The following NXPH1 variants were observed in gnomAD, a reference collection of about 807,000 sequenced individuals.
The protein encoded by NXPH1 is neurexophilin-1.
In NXPH1, 5 loss-of-function variants were observed where a neutral mutation model predicts 23.7. The ratio of observed to expected loss-of-function variants is 0.21; its 90% CI spans 0.11 to 0.44. NXPH1 has a LOEUF of 0.44. NXPH1 is among the 20% of genes least tolerant of loss of function. The probability of loss-of-function intolerance (pLI) is 0.99; values close to 1 mark genes in which losing one functional copy is unlikely to be tolerated. For synonymous variants in NXPH1, 144 were observed against 122.2 expected, an observed-to-expected ratio of 1.18 and a Z score of -1.18; for missense variants, 324 against 321.6, an observed-to-expected ratio of 1.01 and a Z score of -0.06.
intron 2 of NXPH1, among the ~76,000 whole-genome samples, chr7:8,553,367 A>G (rs1181123119): frequency 7.0e-6 from 1 of 143,136 alleles, no homozygotes; most frequent in South Asian, 2.2e-4. Context: ...TATTATGTGT[A>G]TTAGAAAACA....
At chr7:8,473,737 G>T (rs200014543) in intron 2 of NXPH1, among the ~76,000 whole-genome samples, 10 of 144,718 alleles carry the variant, frequency 6.9e-5, no homozygotes, top group Non-Finnish European at 7.6e-5. Flanking sequence ...TGCTGTGTGT[G>T]TTTTTTTTTT....
chr7:8,586,010 C>A (rs1026687733), intron 2 of NXPH1, among the ~76,000 whole-genome samples: 1 of 152,102 alleles, frequency 6.6e-6, no homozygotes, highest in African/African-American at 2.4e-5. Flanking sequence ...GAACAGACAT[C>A]GACCCTTTTA....
At chr7:8,623,837 A>G (rs1166056791) in intron 2 of NXPH1, among the ~76,000 whole-genome samples, 1 of 151,726 alleles carries the variant, frequency 6.6e-6, no homozygotes, top group Non-Finnish European at 1.5e-5. Context: ...GTATGTATTT[A>G]TATCTACATT....
chr7:8,751,311 G>T lies in NXPH1; in HGVS notation c.358G>T (p.Gly120Ter). 1 of 1,613,820 alleles carries T rather than the reference G, an allele frequency of 6.2e-7. No homozygotes were observed. The highest frequency in any genetic ancestry group is 8.5e-7 in the Non-Finnish European group (1 of 1,179,880). ...AACGGGCAAGTTTAAGAAAATGTTTGGATGGGGCGATTTTCATTCCAACAT... is the reference window on the plus strand; with the variant it reads ...AACGGGCAAGTTTAAGAAAATGTTTTGATGGGGCGATTTTCATTCCAACAT... ...VKTGKFKKMF[G>*]WGDFHSNIKT... Residue 120 changes from glycine (G) to a stop codon, truncating the protein, a stop_gained, in exon 3 of 3, where the codon GGA becomes TGA. Coordinates refer to ENST00000405863, the MANE Select transcript of NXPH1 (RefSeq NM_152745.3). LOFTEE classifies it high-confidence loss of function. This position sits in a 1 kb window ranked among gnomAD's most constrained non-coding sequence, Gnocchi z 4.5.
chr7:8,545,301 T>G (rs1015205370), intron 2 of NXPH1, among the ~76,000 whole-genome samples: 1 of 151,514 alleles, frequency 6.6e-6, no homozygotes, highest in Non-Finnish European at 1.5e-5. Context: ...ATGACAGTGT[T>G]GGGCCAGTTG....
chr7:8,695,547 T>TTG (rs1218813469), intron 2 of NXPH1, among the ~76,000 whole-genome samples: 3 of 151,944 alleles, frequency 2.0e-5, no homozygotes, highest in African/African-American at 7.3e-5. Flanking sequence ...TTAACTACAT[T>TTG]GCTATTTATA....
intron 2 of NXPH1, among the ~76,000 whole-genome samples, chr7:8,633,301 G>A (rs898211070): frequency 9.9e-5 from 15 of 152,116 alleles, no homozygotes; most frequent in South Asian, 2.1e-4. Context: ...GGTGGCATGC[G>A]CCTGTAATCC....
rs191767812 is a variant in NXPH1 at position 8,610,056 on chromosome 7, G to T, written c.55-140952G>T. On this transcript the variant is annotated intron_variant, in intron 2 of 2. Transcript: ENST00000405863. ...TGCTTGCTAGAGTGATAGCTATGAA[G>T]AATTCATAACATTTTATTTTAAATG... Among the ~76,000 whole-genome samples, 5 of 152,182 alleles carry T rather than the reference G, an allele frequency of 3.3e-5. 1 individual carries two copies. The highest frequency in any genetic ancestry group is 5.9e-5 in the Non-Finnish European group (4 of 67,986).
chr7:8,621,165 G>A (rs956165765), intron 2 of NXPH1, among the ~76,000 whole-genome samples: 3 of 152,178 alleles, frequency 2.0e-5, no homozygotes, highest in African/African-American at 7.2e-5. Context: ...GAGTGTCACT[G>A]GAGTAGGTCA....
In NXPH1 at chr7:8,442,440, G is replaced by A. The variant is rs939869187; in HGVS notation, c.54+6673G>A. The stretch of plus-strand genomic sequence containing the variant: ...GATTCTGAAGCGAAGGATCCTAGCT[G>A]CCGCGGCTAAGGGCGCAGGGGGAGG... On this transcript the variant is annotated intron_variant, in intron 2 of 2. Transcript: ENST00000405863. The surrounding 1 kb of genome is among the most constrained non-coding windows in gnomAD (Gnocchi z 4.6). 6.6e-6 allele frequency among the ~76,000 whole-genome samples: 1 copy of A among 152,186 alleles called. No individual in the cohort carries two copies. Among genetic ancestry groups the A allele is most frequent in the Non-Finnish European group, 1.5e-5 (1 of 68,026 alleles).
chr7:8,537,552 A>AC (rs1182095623), intron 2 of NXPH1, among the ~76,000 whole-genome samples: 1 of 151,594 alleles, frequency 6.6e-6, no homozygotes, highest in Non-Finnish European at 1.5e-5. Flanking sequence ...GGAGGTAACC[A>AC]CCCCCATGAT....
chr7:8,654,231 T>G (rs1287541111), intron 2 of NXPH1, among the ~76,000 whole-genome samples: 1 of 152,164 alleles, frequency 6.6e-6, no homozygotes, highest in Non-Finnish European at 1.5e-5. Context: ...TGTTAGATCC[T>G]TTCAAGTAAG....
At chr7:8,728,576 T>C (rs1271658146) in intron 2 of NXPH1, among the ~76,000 whole-genome samples, 1 of 152,152 alleles carries the variant, frequency 6.6e-6, no homozygotes, top group Non-Finnish European at 1.5e-5. Flanking sequence ...CAAAGGCCTT[T>C]TCTGCATCTA....
intron 2 of NXPH1, among the ~76,000 whole-genome samples, chr7:8,621,149 T>C (rs1327925143): frequency 1.3e-5 from 2 of 152,052 alleles, no homozygotes; most frequent in Non-Finnish European, 2.9e-5. Context: ...TAACTAAATC[T>C]GATGTGAGTG....
intron 2 of NXPH1, among the ~76,000 whole-genome samples, chr7:8,671,643 T>G (rs1820870874): frequency 6.6e-6 from 1 of 152,168 alleles, no homozygotes; most frequent in Non-Finnish European, 1.5e-5. Context: ...TCTTGAGTAG[T>G]TTTTATGTTT....
chr7:8,690,704 G>C (rs949677535), intron 2 of NXPH1, among the ~76,000 whole-genome samples: 14 of 152,312 alleles, frequency 9.2e-5, no homozygotes, highest in Admixed American at 3.9e-4. Flanking sequence ...TATATGTCTT[G>C]ACTGTGATTT....
At chr7:8,439,848 G>C (rs533836335) in intron 2 of NXPH1, among the ~76,000 whole-genome samples, 195 of 152,342 alleles carry the variant, frequency 1.3e-3, no homozygotes, top group African/African-American at 4.6e-3. Flanking sequence ...AGCAGAGGGA[G>C]AGAGACCAGC....
intron 2 of NXPH1, among the ~76,000 whole-genome samples, chr7:8,480,398 A>T (rs1352682086): frequency 6.6e-6 from 1 of 152,166 alleles, no homozygotes; most frequent in East Asian, 1.9e-4. Context: ...TTGAAATGGA[A>T]GGCAAATCTA....
chr7:8,593,922 T>C (rs970205668), intron 2 of NXPH1, among the ~76,000 whole-genome samples: 2 of 152,068 alleles, frequency 1.3e-5, no homozygotes, highest in African/African-American at 4.8e-5. Flanking sequence ...AAAATACATA[T>C]ATTTTTACAA....
Sources: gnomAD v4.1 joint callset for allele counts (sites outside exome capture counted in the v4.1 genomes callset) on GRCh38, gnomAD v4.1.1 for gene constraint, Gnocchi (gnomAD v3.1) non-coding constraint, MANE v1.5 for transcripts, NCBI Gene and HGNC (gene_info 2026-07-23, HGNC 2026-07-21) for gene names.